The following ACMSD variants were observed in gnomAD, a reference collection of about 807,000 sequenced individuals.
ACMSD encodes 2-amino-3-carboxymuconate-6-semialdehyde decarboxylase.
ACMSD carries 37 observed loss-of-function variants against 45.9 expected under a neutral mutation model. The ratio of observed to expected loss-of-function variants is 0.81; its 90% CI spans 0.62 to 1.06. The LOEUF (loss-of-function observed/expected upper bound fraction) is 1.06, where lower values mean the gene tolerates loss of function less well. Ranked by LOEUF, ACMSD falls within the 50% of genes least tolerant of loss-of-function variation. The pLI, the probability that ACMSD is intolerant of heterozygous loss-of-function variation, is 0.00. For missense variants in ACMSD, 434 were observed against 420.9 expected, an observed-to-expected ratio of 1.03 and a Z score of -0.27; for synonymous variants, 138 against 148.8, an observed-to-expected ratio of 0.93 and a Z score of 0.53.
At chr2:134,841,133 T>C (rs1348022740) in intron 1 of ACMSD, among the ~76,000 whole-genome samples, 1 of 152,222 alleles carries the variant, frequency 6.6e-6, no homozygotes, top group African/African-American at 2.4e-5. Context: ...GTCATAACAC[T>C]TCGTACTTCC....
intron 9 of ACMSD, among the ~76,000 whole-genome samples, chr2:134,899,918 A>G (rs956409159): frequency 6.6e-6 from 1 of 152,196 alleles, no homozygotes; most frequent in African/African-American, 2.4e-5. Context: ...GTGAAAAAGA[A>G]TCTTTATATG....
rs1687739933 is a variant in ACMSD at position 134,859,349 on chromosome 2, A to G, written c.191A>G (p.Asp64Gly). The G allele has an allele frequency of 6.2e-7, 1 of 1,613,794 alleles. No homozygotes were observed. Among genetic ancestry groups the G allele is most frequent in the African/African-American group, 1.3e-5 (1 of 74,886 alleles). Residue 64 changes from aspartate to glycine, a missense_variant, in exon 3 of 10, where the codon GAC (aspartate) becomes GGC (glycine). Transcript: ENST00000356140. ...CCAGAAGTTCGTATTAGAGAAATGG[A>G]CCAAAAAGGTACGATGAGAAGTGCT... is the stretch of plus-strand genomic sequence containing the variant. ...WDPEVRIREM[D>G]QKGVTVQALS... is the part of the protein sequence containing the mutation.
chr2:134,857,216 G>A (rs1687624394), intron 2 of ACMSD, among the ~76,000 whole-genome samples: 1 of 152,118 alleles, frequency 6.6e-6, no homozygotes, highest in Admixed American at 6.5e-5. Context: ...GAGGCCGGTG[G>A]ATCATGAGGT....
Position 134,845,509 on chromosome 2 carries a change from G to T in ACMSD, c.102+232G>T, listed in dbSNP as rs112503692. On this transcript the variant is annotated intron_variant, in intron 2 of 9. Transcript: ENST00000356140. ...TTGGAATTTGAGAACACATTAAAAG[G>T]TCTCTCTCTCTCTCTCTCTCTCTCT... Among the ~76,000 whole-genome samples, 36 of 94,436 alleles carry T rather than the reference G, an allele frequency of 3.8e-4. 1 individual carries two copies. The highest frequency in any genetic ancestry group is 6.2e-4 in the Admixed American group (4 of 6,416). The allele number at this position is 94,436 out of a possible 152,430, so 62.0% of individuals were successfully genotyped here.
intron 8 of ACMSD, among the ~76,000 whole-genome samples, chr2:134,896,451 A>C (rs1442234925): frequency 2.0e-5 from 3 of 152,222 alleles, no homozygotes; most frequent in Non-Finnish European, 2.9e-5. Flanking sequence ...CTTATAGCTC[A>C]ATGATAAAAA....
intron 1 of ACMSD, among the ~76,000 whole-genome samples, chr2:134,840,199 A>G (rs1423158665): frequency 6.8e-6 from 1 of 147,518 alleles, no homozygotes; most frequent in Non-Finnish European, 1.5e-5. Context: ...AAAAACCACT[A>G]ATTCCTCTGT....
chr2:134,870,523 T>C (rs907235259), intron 6 of ACMSD, among the ~76,000 whole-genome samples: 6 of 152,154 alleles, frequency 3.9e-5, no homozygotes, highest in Non-Finnish European at 7.3e-5. Flanking sequence ...GCCGACATCA[T>C]TATTTGCAAG....
At chr2:134,860,571 A>G (rs1416864020) in intron 3 of ACMSD, among the ~76,000 whole-genome samples, 1 of 152,224 alleles carries the variant, frequency 6.6e-6, no homozygotes. Context: ...AATTGTAAGA[A>G]GTTCAAATAT....
intron 1 of ACMSD, 111 bp downstream of exon 1, chr2:134,838,850 G>A (rs945024744): frequency 4.2e-5 from 31 of 734,940 alleles, no homozygotes; most frequent in African/African-American, 1.1e-4. Context: ...GGTGGGGGGC[G>A]AGGGGGTTAA....
chr2:134,839,854 G>C lies in ACMSD; in HGVS notation c.57+1115G>C, dbSNP rs146635177. On this transcript the variant is annotated intron_variant, in intron 1 of 9. Transcript: ENST00000356140. ...GGAACATGCTGTTCTGAGTGCTGTT[G>C]TCCTCATCATAGTTTACTGAAGTGT... Among the ~76,000 whole-genome samples, 341 of 152,176 alleles carry C rather than the reference G, an allele frequency of 2.2e-3. 1 individual carries two copies. The highest frequency in any genetic ancestry group is 3.4e-3 in the Middle Eastern group (1 of 294).
At chr2:134,840,829 T>G (rs955794840) in intron 1 of ACMSD, among the ~76,000 whole-genome samples, 13 of 152,192 alleles carry the variant, frequency 8.5e-5, no homozygotes, top group African/African-American at 2.9e-4. Context: ...GTAAGTTCTT[T>G]AGTGGTGATT....
chr2:134,897,640 T>C (rs896922065), intron 8 of ACMSD, among the ~76,000 whole-genome samples: 1 of 152,102 alleles, frequency 6.6e-6, no homozygotes, highest in Non-Finnish European at 1.5e-5. Flanking sequence ...TGATTATGAG[T>C]TCCTTCAGAA....
intron 8 of ACMSD, among the ~76,000 whole-genome samples, chr2:134,889,713 A>C (rs1388400262): frequency 6.6e-6 from 1 of 152,140 alleles, no homozygotes; most frequent in Non-Finnish European, 1.5e-5. Flanking sequence ...GGATTTGAGC[A>C]TCTGAAGACT....
chr2:134,865,476 T>G (rs1688054722), intron 5 of ACMSD, among the ~76,000 whole-genome samples: 1 of 152,198 alleles, frequency 6.6e-6, no homozygotes, highest in African/African-American at 2.4e-5. Flanking sequence ...TTCATTTGTG[T>G]GACTAGCTCG....
intron 8 of ACMSD, among the ~76,000 whole-genome samples, chr2:134,882,966 G>A (rs905318232): frequency 7.2e-5 from 11 of 152,306 alleles, no homozygotes; most frequent in African/African-American, 2.6e-4. Flanking sequence ...GGAGATGTGT[G>A]CAGCTGCTGG....
intron 2 of ACMSD, among the ~76,000 whole-genome samples, chr2:134,856,783 T>C (rs759283882): frequency 6.6e-6 from 1 of 152,234 alleles, no homozygotes; most frequent in Non-Finnish European, 1.5e-5. Flanking sequence ...ATAAACTGTC[T>C]CTCTACTCTG....
intron 8 of ACMSD, among the ~76,000 whole-genome samples, chr2:134,889,802 T>G (rs1455924184): frequency 6.6e-6 from 1 of 151,988 alleles, no homozygotes; most frequent in Non-Finnish European, 1.5e-5. Flanking sequence ...AAGAGGTGAT[T>G]CACATTGAGC....
At chr2:134,892,299 A>G (rs141987648) in intron 8 of ACMSD, among the ~76,000 whole-genome samples, 5 of 152,158 alleles carry the variant, frequency 3.3e-5, no homozygotes, top group Non-Finnish European at 7.4e-5. Context: ...AAATAAGATG[A>G]CATACATGAA....
At chr2:134,885,286 T>TA (rs1559064626) in intron 8 of ACMSD, among the ~76,000 whole-genome samples, 1 of 23,824 alleles carries the variant, frequency 4.2e-5, no homozygotes, top group Non-Finnish European at 5.5e-5. Context: ...TATTATATAT[T>TA]ATATTTATAT....
Sources: allele counts gnomAD v4.1 joint callset (sites outside exome capture counted in the v4.1 genomes callset), GRCh38; gene constraint gnomAD v4.1.1; transcripts MANE v1.5; gene names NCBI Gene and HGNC (gene_info 2026-07-23, HGNC 2026-07-21).